XYLT1: variants seen among roughly 807,000 people sequenced by gnomAD.
XYLT1 encodes the protein beta-D-xylosyltransferase 1.
A neutral mutation model predicts 91.3 loss-of-function variants in XYLT1; 36 were observed. That is an observed-to-expected ratio of 0.39 (90% CI 0.30 to 0.52). XYLT1 has a LOEUF of 0.52. Ranked by LOEUF, XYLT1 falls within the 20% of genes least tolerant of loss-of-function variation. The pLI is 0.68. For synonymous variants in XYLT1, 588 were observed against 532.0 expected, an observed-to-expected ratio of 1.11 and a Z score of -1.45; for missense variants, 1,242 against 1,284.5, an observed-to-expected ratio of 0.97 and a Z score of 0.51.
intron 1 of XYLT1, among the ~76,000 whole-genome samples, chr16:17,432,447 C>T (rs982683267): frequency 1.6e-4 from 24 of 152,158 alleles, no homozygotes; most frequent in Non-Finnish European, 2.9e-5. Context: ...GCAAAAACCA[C>T]ATACTGCATG....
intron 2 of XYLT1, among the ~76,000 whole-genome samples, chr16:17,324,414 A>C (rs1450884695): frequency 6.6e-6 from 1 of 152,218 alleles, no homozygotes; most frequent in Non-Finnish European, 1.5e-5. Flanking sequence ...GTCACGTTCC[A>C]CAGCAGTGCT....
At chr16:17,144,668 T>G (rs2031085753) in intron 6 of XYLT1, among the ~76,000 whole-genome samples, 1 of 152,278 alleles carries the variant, frequency 6.6e-6, no homozygotes, top group East Asian at 1.9e-4. Flanking sequence ...ATTGAAAAGG[T>G]CATACATTTT....
At chr16:17,140,701 G>T (rs1196600645) in intron 7 of XYLT1, among the ~76,000 whole-genome samples, 4 of 145,896 alleles carry the variant, frequency 2.7e-5, no homozygotes, top group Admixed American at 1.4e-4. Context: ...AGTTGATGTG[G>T]GTGTGTCCTG....
At chr16:17,242,987 A>G (rs2033371064) in intron 3 of XYLT1, among the ~76,000 whole-genome samples, 2 of 152,200 alleles carry the variant, frequency 1.3e-5, no homozygotes, top group South Asian at 4.1e-4. Context: ...CTGTATGTGT[A>G]GACCACATTT....
chr16:17,413,220 T>C (rs1375636322), intron 1 of XYLT1, among the ~76,000 whole-genome samples: 2 of 152,128 alleles, frequency 1.3e-5, no homozygotes, highest in Non-Finnish European at 2.9e-5. Flanking sequence ...ACATATCTGA[T>C]GATGGTATAC....
At chr16:17,315,676 A>G (rs1892137961) in intron 2 of XYLT1, among the ~76,000 whole-genome samples, 1 of 152,238 alleles carries the variant, frequency 6.6e-6, no homozygotes, top group Non-Finnish European at 1.5e-5. Context: ...TATGGCGAAC[A>G]AATGGACCCC....
chr16:17,277,374 G>A (rs900629241), intron 2 of XYLT1, among the ~76,000 whole-genome samples: 5 of 151,848 alleles, frequency 3.3e-5, no homozygotes, highest in African/African-American at 4.8e-5. Flanking sequence ...AGAAGTTCTC[G>A]GTGTCTACTG....
rs142868831 is a variant in XYLT1 at position 17,415,249 on chromosome 16, C to T, written c.363+55185G>A. Among the ~76,000 whole-genome samples the T allele has an allele frequency of 1.1e-3, 172 of 152,298 alleles. 1 individual carries two copies. Among genetic ancestry groups the T allele is most frequent in the African/African-American group, 4.0e-3 (168 of 41,568 alleles). ...TCCCCCATTTCTGATCCCCTCCCCT[C>T]CACTGCAACACATATATATTGAGTG... On this transcript the variant is annotated intron_variant, in intron 1 of 11. Transcript: ENST00000261381.
intron 9 of XYLT1, among the ~76,000 whole-genome samples, chr16:17,131,560 C>T (rs896481214): frequency 9.2e-5 from 14 of 152,214 alleles, no homozygotes; most frequent in Middle Eastern, 3.4e-3. Flanking sequence ...GTGCCTGCCC[C>T]GGAGGGCATT....
chr16:17,203,232 T>C (rs575235016), intron 3 of XYLT1, among the ~76,000 whole-genome samples: 18 of 152,362 alleles, frequency 1.2e-4, no homozygotes, highest in African/African-American at 4.1e-4. Context: ...AAGTTAGTTA[T>C]TGCAGGCAGG....
chr16:17,248,492 G>A (rs1485973161), intron 3 of XYLT1, among the ~76,000 whole-genome samples: 1 of 152,082 alleles, frequency 6.6e-6, no homozygotes, highest in East Asian at 1.9e-4. Context: ...AGCACTTTTA[G>A]GAATTACAAC....
chr16:17,141,716 G>A (rs1377876862), intron 6 of XYLT1, among the ~76,000 whole-genome samples: 1 of 152,082 alleles, frequency 6.6e-6, no homozygotes, highest in Non-Finnish European at 1.5e-5. Flanking sequence ...ACCTCCTTAT[G>A]CCATAGAGGT....
intron 1 of XYLT1, among the ~76,000 whole-genome samples, chr16:17,414,394 A>G (rs1272055437): frequency 6.6e-6 from 1 of 152,132 alleles, no homozygotes; most frequent in Non-Finnish European, 1.5e-5. Context: ...ACAGTGGCAC[A>G]ATCATAGCTC....
chr16:17,301,649 G>A (rs1189890950), intron 2 of XYLT1, among the ~76,000 whole-genome samples: 1 of 152,142 alleles, frequency 6.6e-6, no homozygotes, highest in Non-Finnish European at 1.5e-5. Flanking sequence ...CAATGTCGCT[G>A]CCAAGTTTAA....
At chr16:17,157,415 G>T (rs36051579) in intron 6 of XYLT1, among the ~76,000 whole-genome samples, 70,583 of 151,920 alleles carry the variant, frequency 0.46, 17,235 homozygotes, top group Non-Finnish European at 0.53. Context: ...GTGGTCGGGG[G>T]CCAGGTTGGG....
At chr16:17,315,998 C>T (rs546012750) in intron 2 of XYLT1, among the ~76,000 whole-genome samples, 5 of 152,202 alleles carry the variant, frequency 3.3e-5, no homozygotes, top group Admixed American at 1.3e-4. Flanking sequence ...AAATTGCAGC[C>T]GCACCTGGGT....
At chr16:17,288,478 A>T (rs1286956972) in intron 2 of XYLT1, among the ~76,000 whole-genome samples, 1 of 152,048 alleles carries the variant, frequency 6.6e-6, no homozygotes, top group Non-Finnish European at 1.5e-5. Flanking sequence ...TATTATGCTT[A>T]TTGTAGACCG....
chr16:17,398,088 T>C (rs1368195052), intron 1 of XYLT1, among the ~76,000 whole-genome samples: 2 of 151,970 alleles, frequency 1.3e-5, no homozygotes, highest in Non-Finnish European at 2.9e-5. Context: ...CGAGTCCAGA[T>C]TGGAAAATGC....
intron 11 of XYLT1, 23 bp downstream of exon 11, chr16:17,117,622 CA>C (rs1274571098): frequency 6.3e-7 from 1 of 1,596,826 alleles, no homozygotes; most frequent in Non-Finnish European, 8.6e-7. Flanking sequence ...GTATTTCTCC[CA>C]CATAGACACT....
Sources: allele counts gnomAD v4.1 joint callset (sites outside exome capture counted in the v4.1 genomes callset), GRCh38; gene constraint gnomAD v4.1.1; transcripts MANE v1.5; gene names NCBI Gene and HGNC (gene_info 2026-07-23, HGNC 2026-07-21).